PDE10A: variants seen among roughly 807,000 people sequenced by gnomAD.
PDE10A encodes cAMP and cAMP-inhibited cGMP 3',5'-cyclic phosphodiesterase 10A.
Under a neutral mutation model 97.7 loss-of-function variants are expected in PDE10A, and 39 were observed. That is an observed-to-expected ratio of 0.40 (90% CI 0.31 to 0.52). The LOEUF (loss-of-function observed/expected upper bound fraction) is 0.52, where lower values mean the gene tolerates loss of function less well. PDE10A is among the 20% of genes least tolerant of loss of function. The pLI is 0.56. For missense variants in PDE10A, 731 were observed against 1,047.8 expected (o/e 0.70, Z 4.17); for synonymous variants, 371 against 376.8 (o/e 0.98, Z 0.18).
intron 1 of PDE10A, among the ~76,000 whole-genome samples, chr6:165,611,004 TA>T (rs1787468367): frequency 1.3e-5 from 2 of 151,922 alleles, no homozygotes; most frequent in South Asian, 4.1e-4. Flanking sequence ...ACGTCAGCTT[TA>T]AAGCAAATCC....
At chr6:165,515,546 T>G (rs992114380) in intron 2 of PDE10A, among the ~76,000 whole-genome samples, 3 of 141,034 alleles carry the variant, frequency 2.1e-5, no homozygotes, top group African/African-American at 8.3e-5. Context: ...TTTTTTGAGA[T>G]GGAGTCTCAC....
intron 1 of PDE10A, among the ~76,000 whole-genome samples, chr6:165,609,088 C>G (rs1215768239): frequency 2.0e-5 from 3 of 152,140 alleles, no homozygotes; most frequent in South Asian, 2.1e-4. Context: ...AGTTTCTTTT[C>G]CTGTGCAGAA....
At position 165,876,390 on chromosome 6, in the gene PDE10A, T is replaced by A. The variant is rs186823057; in HGVS notation, c.-615+111139A>T. Among the ~76,000 whole-genome samples the A allele has an allele frequency of 6.4e-4, 97 of 152,326 alleles. No individual in the cohort carries two copies. The Middle Eastern group carries it at 0.014, about 21-fold the overall frequency. On this transcript the variant is annotated intron_variant, in intron 1 of 19. Transcript: ENST00000366882. ...TCATTCTAATTTGAAGACCAGTTAA[T>A]CTGCTTATTAAAGAAAAGCTAGGGT... is the stretch of plus-strand genomic sequence containing the variant.
At chr6:165,503,411 G>A (rs1470538081) in intron 2 of PDE10A, among the ~76,000 whole-genome samples, 1 of 152,172 alleles carries the variant, frequency 6.6e-6, no homozygotes, top group Non-Finnish European at 1.5e-5. Flanking sequence ...GGGAATGATG[G>A]GAGTTATTCT....
chr6:165,333,517 C>A (rs1292999109), intron 21 of PDE10A, among the ~76,000 whole-genome samples: 2 of 152,174 alleles, frequency 1.3e-5, no homozygotes, highest in African/African-American at 4.8e-5. Flanking sequence ...GGTGACAACA[C>A]GGACCTTCCT....
chr6:165,617,852 T>G (rs1353269707), intron 1 of PDE10A, among the ~76,000 whole-genome samples: 1 of 152,072 alleles, frequency 6.6e-6, no homozygotes, highest in Non-Finnish European at 1.5e-5. Flanking sequence ...CTCTCAGTGG[T>G]AAAGTCAAGT....
intron 2 of PDE10A, among the ~76,000 whole-genome samples, chr6:165,501,091 C>T (rs1211255622): frequency 6.6e-6 from 1 of 152,150 alleles, no homozygotes; most frequent in Non-Finnish European, 1.5e-5. Flanking sequence ...AACTCAGAGA[C>T]CATTGCCGGC....
At chr6:165,755,536 C>T (rs555489250) in intron 1 of PDE10A, among the ~76,000 whole-genome samples, 98 of 152,284 alleles carry the variant, frequency 6.4e-4, no homozygotes, top group Non-Finnish European at 1.1e-3. Flanking sequence ...AAATTCTAGT[C>T]TTTATTATCA....
At chr6:165,740,968 T>C (rs577475206) in intron 1 of PDE10A, among the ~76,000 whole-genome samples, 1 of 152,274 alleles carries the variant, frequency 6.6e-6, no homozygotes, top group South Asian at 2.1e-4. Context: ...ATTGTAGTAA[T>C]AATTACAATA....
intron 1 of PDE10A, among the ~76,000 whole-genome samples, chr6:165,647,015 C>T (rs1789430886): frequency 6.6e-6 from 1 of 152,148 alleles, no homozygotes; most frequent in Non-Finnish European, 1.5e-5. Flanking sequence ...ATTTGACACA[C>T]AGCACTCTCA....
chr6:165,501,343 C>T (rs527407002), intron 2 of PDE10A, among the ~76,000 whole-genome samples: 4 of 152,164 alleles, frequency 2.6e-5, no homozygotes, highest in East Asian at 3.9e-4. Context: ...AGGCAGATCA[C>T]GAGGTCAGGA....
chr6:165,353,021 AG>A (rs1157074462), intron 18 of PDE10A, among the ~76,000 whole-genome samples: 6 of 152,254 alleles, frequency 3.9e-5, no homozygotes, highest in African/African-American at 1.4e-4. Flanking sequence ...ATATAAAAAT[AG>A]GGCTAAAGAC....
At chr6:165,890,969 G>A (rs1008271961) in intron 1 of PDE10A, among the ~76,000 whole-genome samples, 1 of 152,174 alleles carries the variant, frequency 6.6e-6, no homozygotes, top group Non-Finnish European at 1.5e-5. Flanking sequence ...AATTCCACAA[G>A]ATAACAAATG....
At chr6:165,641,050 A>G (rs1393929149) in intron 1 of PDE10A, among the ~76,000 whole-genome samples, 1 of 152,212 alleles carries the variant, frequency 6.6e-6, no homozygotes, top group African/African-American at 2.4e-5. Context: ...CTTCAAGGCA[A>G]GCTGATCACA....
intron 1 of PDE10A, among the ~76,000 whole-genome samples, chr6:165,947,735 A>T (rs989007873): frequency 6.6e-6 from 1 of 152,138 alleles, no homozygotes; most frequent in African/African-American, 2.4e-5. Context: ...AACCACTGCT[A>T]CTTTTGATGT....
At chr6:165,607,403 T>C (rs1281003262) in intron 1 of PDE10A, among the ~76,000 whole-genome samples, 1 of 152,190 alleles carries the variant, frequency 6.6e-6, no homozygotes, top group Non-Finnish European at 1.5e-5. Flanking sequence ...CATTACCTTT[T>C]TATGTTCAGA....
intron 1 of PDE10A, among the ~76,000 whole-genome samples, chr6:165,806,848 C>G (rs1779157113): frequency 6.6e-6 from 1 of 152,114 alleles, no homozygotes; most frequent in Admixed American, 6.5e-5. Context: ...TTCATTTAGT[C>G]AATTTGAAAG....
chr6:165,860,170 G>A (rs67165479), intron 1 of PDE10A, among the ~76,000 whole-genome samples: 5,089 of 152,184 alleles, frequency 0.033, 103 homozygotes, highest in Middle Eastern at 0.048. Flanking sequence ...ACACAAAAAC[G>A]TGGCCGGGCG....
At chr6:165,353,349 T>A (rs1430270162) in intron 18 of PDE10A, among the ~76,000 whole-genome samples, 1 of 152,170 alleles carries the variant, frequency 6.6e-6, no homozygotes, top group African/African-American at 2.4e-5. Flanking sequence ...TAAGACATAC[T>A]CTTATAATAT....
Sources: gnomAD v4.1 joint callset for allele counts (sites outside exome capture counted in the v4.1 genomes callset) on GRCh38, gnomAD v4.1.1 for gene constraint, MANE v1.5 for transcripts, NCBI Gene and HGNC (gene_info 2026-07-23, HGNC 2026-07-21) for gene names.